Variants in IGFL2 observed in about 807,000 individuals in gnomAD.
IGFL2 encodes insulin growth factor-like family member 2.
IGFL2 carries 7 observed loss-of-function variants against 13.9 expected under a neutral mutation model. The ratio of observed to expected loss-of-function variants is 0.51; its 90% CI spans 0.29 to 0.95. The LOEUF (loss-of-function observed/expected upper bound fraction) is 0.95, where lower values mean the gene tolerates loss of function less well. Ranked by LOEUF, IGFL2 falls within the 40% of genes least tolerant of loss-of-function variation. The pLI is 0.08. For synonymous variants in IGFL2, 55 were observed against 55.8 expected, an observed-to-expected ratio of 0.99 and a Z score of 0.07; for missense variants, 138 against 147.8, an observed-to-expected ratio of 0.93 and a Z score of 0.34.
the IGFL2 span, among the ~76,000 whole-genome samples, chr19:46,100,462 A>G: frequency 1.3e-5 from 2 of 152,204 alleles, no homozygotes; most frequent in East Asian, 3.8e-4. Context: ...ATGCAAGTGA[A>G]TCTGCATTTT....
chr19:46,166,355 A>G, the IGFL2 span, among the ~76,000 whole-genome samples: 1 of 152,154 alleles, frequency 6.6e-6, no homozygotes, highest in African/African-American at 2.4e-5. Flanking sequence ...TTTATTAGGG[A>G]TTTTCAAAAG....
At chr19:46,209,197 T>C in the IGFL2 span, 5 of 152,172 alleles carry the variant, frequency 3.3e-5, no homozygotes, top group African/African-American at 1.2e-4. Flanking sequence ...GCTAAATGAA[T>C]GAAAGAAAAG....
the IGFL2 span, among the ~76,000 whole-genome samples, chr19:46,112,701 G>A: frequency 6.6e-6 from 1 of 152,238 alleles, no homozygotes; most frequent in Non-Finnish European, 1.5e-5. Flanking sequence ...AGCCTGCAGA[G>A]GAGGAGTGGG....
upstream of IGFL2, chr19:46,147,685 A>G (rs947837441): frequency 6.6e-6 from 1 of 152,258 alleles, no homozygotes; most frequent in African/African-American, 2.4e-5. Context: ...AGCTTGTTGT[A>G]ACCGTACTGG....
At chr19:46,116,478 A>G in the IGFL2 span, among the ~76,000 whole-genome samples, 1 of 152,240 alleles carries the variant, frequency 6.6e-6, no homozygotes. Flanking sequence ...ATTCAGATAT[A>G]TTGAATCTTT....
At chr19:46,082,291 G>A in the IGFL2 span, among the ~76,000 whole-genome samples, 3 of 152,164 alleles carry the variant, frequency 2.0e-5, no homozygotes, top group African/African-American at 2.4e-5. Flanking sequence ...GGGTTCCTAG[G>A]TGGGAGAGAA....
At chr19:46,113,544 A>G in the IGFL2 span, 4,319 of 322,650 alleles carry the variant, frequency 0.013, 63 homozygotes, top group Non-Finnish European at 0.019. Flanking sequence ...AGGAAAGACA[A>G]TGACCCATGG....
chr19:46,147,996 T>A (rs759208479), upstream of IGFL2: 5 of 388,160 alleles, frequency 1.3e-5, no homozygotes, highest in African/African-American at 2.1e-5. Flanking sequence ...AGAATGACAC[T>A]CACTCACGGC....
At chr19:46,156,360 T>G (rs756981616) in intron 1 of IGFL2, among the ~76,000 whole-genome samples, 37 of 152,348 alleles carry the variant, frequency 2.4e-4, no homozygotes, top group Non-Finnish European at 4.4e-4. Flanking sequence ...GTATTTGTTA[T>G]TTTTGATATC....
chr19:46,211,507 T>C, the IGFL2 span: 10 of 152,126 alleles, frequency 6.6e-5, no homozygotes, highest in Non-Finnish European at 1.5e-4. Flanking sequence ...GGAGATTCCT[T>C]CTATTTTTTC....
the IGFL2 span, chr19:46,120,445 G>T: frequency 6.4e-7 from 1 of 1,560,774 alleles, no homozygotes; most frequent in South Asian, 1.2e-5. Context: ...TAACAAACTT[G>T]ACTTTAACAG....
the IGFL2 span, among the ~76,000 whole-genome samples, chr19:46,168,235 C>CA: frequency 6.6e-6 from 1 of 152,080 alleles, no homozygotes; most frequent in Non-Finnish European, 1.5e-5. Flanking sequence ...AATACCCAGA[C>CA]AAGGATTACA....
chr19:46,080,770 G>A, the IGFL2 span, among the ~76,000 whole-genome samples: 1 of 152,196 alleles, frequency 6.6e-6, no homozygotes, highest in East Asian at 1.9e-4. Context: ...TGTGGTGTCT[G>A]TGGTTTGGTC....
the IGFL2 span, chr19:46,120,184 A>AG: frequency 1.7e-6 from 2 of 1,175,434 alleles, no homozygotes; most frequent in Admixed American, 2.6e-5. Flanking sequence ...GGCCATCCCC[A>AG]GCTGGGCTCC....
rs200905170 is a variant in IGFL2, at chr19:46,160,395, C to T, written c.20-20C>T. ...CCACACTTCCAGCCCCATCCTTAAC[C>T]TCCTTTCTTTCTCTCCCAGCTCCTG... is the stretch of plus-strand genomic sequence containing the variant. On this transcript the variant is annotated intron_variant, in intron 1 of 3. Transcript: ENST00000377693. 1.9e-6 allele frequency: 3 copies of T among 1,609,534 alleles called. No homozygotes were observed. Among genetic ancestry groups the T allele is most frequent in the Non-Finnish European group, 2.5e-6 (3 of 1,177,528 alleles).
At chr19:46,175,237 C>T in the IGFL2 span, among the ~76,000 whole-genome samples, 1 of 152,152 alleles carries the variant, frequency 6.6e-6, no homozygotes, top group African/African-American at 2.4e-5. Context: ...TCTCCCAGCA[C>T]ATTTATCTGT....
upstream of IGFL2, among the ~76,000 whole-genome samples, chr19:46,141,925 T>C (rs1489047854): frequency 5.9e-5 from 9 of 152,154 alleles, no homozygotes; most frequent in Admixed American, 3.9e-4. Flanking sequence ...AAAGTATCCT[T>C]CTCCTCCTTT....
chr19:46,137,556 C>T, the IGFL2 span: 1 of 1,025,666 alleles, frequency 9.7e-7, no homozygotes, highest in Non-Finnish European at 1.5e-6. Context: ...ATGGAATCGT[C>T]ATCCTCCGTC....
intron 1 of IGFL2, among the ~76,000 whole-genome samples, chr19:46,150,086 G>A (rs1177010806): frequency 1.3e-5 from 2 of 152,162 alleles, no homozygotes; most frequent in African/African-American, 4.8e-5. Flanking sequence ...GGGTGGGTGT[G>A]ATATCCTGTG....
Sources: allele counts gnomAD v4.1 joint callset (sites outside exome capture counted in the v4.1 genomes callset), GRCh38; gene constraint gnomAD v4.1.1; transcripts MANE v1.5; gene names NCBI Gene and HGNC (gene_info 2026-07-23, HGNC 2026-07-21).